ESR1: variants seen among roughly 807,000 people sequenced by gnomAD.
ESR1 encodes the protein estrogen receptor.
Under a neutral mutation model 52.7 loss-of-function variants are expected in ESR1, and 12 were observed. That is an observed-to-expected ratio of 0.23 (90% confidence interval 0.15 to 0.37). The LOEUF is 0.37. Ranked by LOEUF, ESR1 falls within the 10% of genes least tolerant of loss-of-function variation. The pLI is 1.00. For missense variants in ESR1, 584 were observed against 779.7 expected, an observed-to-expected ratio of 0.75 and a Z score of 2.99; for synonymous variants, 305 against 316.8, an observed-to-expected ratio of 0.96 and a Z score of 0.39.
chr6:151,987,116 G>C (rs1020838902), intron 4 of ESR1, among the ~76,000 whole-genome samples: 1 of 151,742 alleles, frequency 6.6e-6, no homozygotes, highest in African/African-American at 2.4e-5. Context: ...TGCAGCCTGG[G>C]TCCAAATGGG....
At chr6:152,111,122 TC>T (rs1417760945) in intron 6 of ESR1, among the ~76,000 whole-genome samples, 1 of 151,292 alleles carries the variant, frequency 6.6e-6, no homozygotes, top group Non-Finnish European at 1.5e-5. Flanking sequence ...AGGCTCACCC[TC>T]CCCCCGTTGC....
chr6:152,058,697 T>C (rs1012794914), intron 5 of ESR1, among the ~76,000 whole-genome samples: 3 of 152,148 alleles, frequency 2.0e-5, no homozygotes, highest in African/African-American at 7.2e-5. Context: ...TTGTTCCCAT[T>C]CTAGATCTCT....
At chr6:152,110,234 A>G (rs2051115410) in intron 6 of ESR1, among the ~76,000 whole-genome samples, 1 of 152,190 alleles carries the variant, frequency 6.6e-6, no homozygotes, top group Non-Finnish European at 1.5e-5. Context: ...CTGAGTACAT[A>G]TGGAATTTTA....
At chr6:151,928,138 A>G (rs2033041341) in intron 3 of ESR1, among the ~76,000 whole-genome samples, 1 of 152,156 alleles carries the variant, frequency 6.6e-6, no homozygotes, top group African/African-American at 2.4e-5. Context: ...TTTTATTGGC[A>G]TCTGCTCTAA....
chr6:152,023,139 A>C (rs1306657983), intron 5 of ESR1, among the ~76,000 whole-genome samples: 2 of 152,162 alleles, frequency 1.3e-5, no homozygotes, highest in African/African-American at 4.8e-5. Context: ...AATAAAATGC[A>C]GTATAATATG....
chr6:151,943,102 C>T (rs11965983), intron 3 of ESR1, among the ~76,000 whole-genome samples: 3,824 of 152,136 alleles, frequency 0.025, 106 homozygotes, highest in East Asian at 0.076. Context: ...TGTGGGGGGC[C>T]GGGCACTGTG....
exon 7 of ESR1, chr6:152,129,210 G>A (rs573557218): frequency 6.6e-6 from 1 of 152,338 alleles, no homozygotes; most frequent in African/African-American, 2.4e-5. Flanking sequence ...ACAATGCGGA[G>A]AGCAGATAGA....
intron 2 of ESR1, among the ~76,000 whole-genome samples, chr6:151,749,607 C>T (rs1409609393): frequency 6.6e-6 from 1 of 152,146 alleles, no homozygotes; most frequent in East Asian, 1.9e-4. Context: ...AAATTGTACA[C>T]ATTACTTCTG....
chr6:151,751,387 C>G (rs566806146), intron 2 of ESR1, among the ~76,000 whole-genome samples: 1 of 152,158 alleles, frequency 6.6e-6, no homozygotes. Context: ...TTTCTCTTCT[C>G]ACATGTTCCC....
intron 4 of ESR1, among the ~76,000 whole-genome samples, chr6:152,007,046 TC>T (rs1253227396): frequency 1.3e-5 from 2 of 152,086 alleles, no homozygotes; most frequent in African/African-American, 4.8e-5. Flanking sequence ...TATCTTTTAC[TC>T]CAAGGTAGTG....
At chr6:151,714,922 C>G (rs1198830646) in intron 2 of ESR1, among the ~76,000 whole-genome samples, 1 of 152,072 alleles carries the variant, frequency 6.6e-6, no homozygotes, top group Admixed American at 6.6e-5. Context: ...GATGCAGTTT[C>G]TCGTAGTGTT....
chr6:152,125,750 T>C (rs1218282164), exon 7 of ESR1: 2 of 160,134 alleles, frequency 1.2e-5, no homozygotes, highest in East Asian at 1.7e-4. Context: ...ATATAATTGA[T>C]AGTACAATCT....
chr6:151,829,219 G>T (rs1781992204), intron 1 of ESR1, among the ~76,000 whole-genome samples: 1 of 152,164 alleles, frequency 6.6e-6, no homozygotes, highest in Non-Finnish European at 1.5e-5. Flanking sequence ...CATAATAGAT[G>T]AATTATGTTT....
chr6:152,111,427 G>A (rs141244041), intron 6 of ESR1, among the ~76,000 whole-genome samples: 29 of 152,166 alleles, frequency 1.9e-4, no homozygotes, highest in Non-Finnish European at 3.5e-4. Flanking sequence ...ACAGCCCTCC[G>A]AGCGACTTCC....
chr6:151,843,872 G>A (rs1240770364), intron 2 of ESR1, among the ~76,000 whole-genome samples: 1 of 150,006 alleles, frequency 6.7e-6, no homozygotes, highest in East Asian at 1.9e-4. Context: ...CTGGGGGATG[G>A]TATATAGTAT....
At chr6:151,691,597 T>C (rs1349169801) in intron 1 of ESR1, among the ~76,000 whole-genome samples, 1 of 152,236 alleles carries the variant, frequency 6.6e-6, no homozygotes, top group Admixed American at 6.5e-5. Context: ...AGATTTTTAA[T>C]GCCTTTATGT....
intron 3 of ESR1, among the ~76,000 whole-genome samples, chr6:151,903,253 C>A (rs1299961798): frequency 1.3e-5 from 2 of 152,152 alleles, no homozygotes; most frequent in African/African-American, 4.8e-5. Flanking sequence ...GAATTGCTAT[C>A]ATATTCTGTC....
chr6:152,001,423 T>G (rs978612915), intron 4 of ESR1, among the ~76,000 whole-genome samples: 3 of 152,012 alleles, frequency 2.0e-5, no homozygotes, highest in African/African-American at 7.2e-5. Flanking sequence ...AGAACTAATT[T>G]ATTCTCATGA....
intron 4 of ESR1, among the ~76,000 whole-genome samples, chr6:151,985,513 A>C (rs867744612): frequency 3.6e-4 from 48 of 132,140 alleles, no homozygotes; most frequent in East Asian, 2.3e-3. Context: ...GTCTCAAAAA[A>C]AAAAAAAAAA....
Sources: allele counts gnomAD v4.1 joint callset (sites outside exome capture counted in the v4.1 genomes callset), GRCh38; gene constraint gnomAD v4.1.1; transcripts MANE v1.5; gene names NCBI Gene and HGNC (gene_info 2026-07-23, HGNC 2026-07-21).